Variants in EPHA6 observed in about 807,000 individuals in gnomAD.
EPHA6 encodes the protein ephrin type-A receptor 6.
In EPHA6, 50 loss-of-function variants were observed where a neutral mutation model predicts 112.0. The observed-to-expected ratio is 0.45, with a 90% CI of 0.36 to 0.56. EPHA6 has a LOEUF of 0.56. EPHA6 is among the 20% of genes least tolerant of loss of function. The pLI is 0.00. For missense variants in EPHA6, 1,280 were observed against 1,417.4 expected (o/e 0.90, Z 1.56); for synonymous variants, 529 against 490.7 (o/e 1.08, Z -1.03).
At chr3:96,970,468 T>G (rs1576203416) in intron 2 of EPHA6, among the ~76,000 whole-genome samples, 1 of 152,176 alleles carries the variant, frequency 6.6e-6, no homozygotes, top group African/African-American at 2.4e-5. Context: ...TATGGCTAGG[T>G]TAGGAGATTG....
At chr3:96,976,610 T>C (rs566044586) in intron 2 of EPHA6, among the ~76,000 whole-genome samples, 3 of 152,208 alleles carry the variant, frequency 2.0e-5, no homozygotes, top group Non-Finnish European at 2.9e-5. Context: ...ACAGTCCAAA[T>C]TGGATTTTAA....
At chr3:97,138,559 G>A (rs2108346139) in intron 3 of EPHA6, among the ~76,000 whole-genome samples, 1 of 152,284 alleles carries the variant, frequency 6.6e-6, no homozygotes, top group African/African-American at 2.4e-5. Flanking sequence ...GGTGGCCTAG[G>A]AGTAATTCAC....
chr3:97,060,989 C>A (rs1275941587), intron 3 of EPHA6, among the ~76,000 whole-genome samples: 3 of 146,176 alleles, frequency 2.1e-5, no homozygotes, highest in African/African-American at 5.1e-5. Context: ...GTTAATAAAC[C>A]CAAGGATAAA....
Position 97,076,258 on chromosome 3 carries a change from T to C in EPHA6, c.1114+88265T>C, listed in dbSNP as rs762687728. Among the ~76,000 whole-genome samples, 7 of 152,328 alleles carry C rather than the reference T, an allele frequency of 4.6e-5. No homozygotes were observed. In the South Asian group the frequency reaches 1.0e-3, roughly 23 times the overall value. ...AGTTATTAAAGAAAATTAAAAGTGC[T>C]ACTCCATTAAACACACAAATGATAA... On this transcript the variant is annotated intron_variant, in intron 3 of 17. Transcript: ENST00000389672.
chr3:96,881,454 T>A (rs1323052015), intron 2 of EPHA6, among the ~76,000 whole-genome samples: 2 of 152,102 alleles, frequency 1.3e-5, no homozygotes, highest in African/African-American at 4.8e-5. Flanking sequence ...ACTTATTCAC[T>A]ACCATGAGAA....
chr3:96,980,205 A>T (rs1317495571), intron 2 of EPHA6, among the ~76,000 whole-genome samples: 1 of 152,138 alleles, frequency 6.6e-6, no homozygotes, highest in Non-Finnish European at 1.5e-5. Context: ...TAAGTCTTTA[A>T]TCCATCTTGA....
At chr3:96,941,287 T>C (rs1016324984) in intron 2 of EPHA6, among the ~76,000 whole-genome samples, 1 of 152,184 alleles carries the variant, frequency 6.6e-6, no homozygotes, top group African/African-American at 2.4e-5. Flanking sequence ...TCCTGGAGGC[T>C]TTGTTCGTTT....
chr3:96,932,307 C>T (rs143639700), intron 2 of EPHA6, among the ~76,000 whole-genome samples: 1 of 152,210 alleles, frequency 6.6e-6, no homozygotes, highest in African/African-American at 2.4e-5. Context: ...CCATCTTGGC[C>T]CCTCCATGCA....
chr3:96,942,188 G>A (rs572692636), intron 2 of EPHA6, among the ~76,000 whole-genome samples: 1 of 152,184 alleles, frequency 6.6e-6, no homozygotes, highest in Admixed American at 6.5e-5. Flanking sequence ...CTGTCTTTTT[G>A]TTTGTCTGTG....
At chr3:97,549,875 T>A (rs2093006511) in intron 11 of EPHA6, among the ~76,000 whole-genome samples, 1 of 152,044 alleles carries the variant, frequency 6.6e-6, no homozygotes, top group South Asian at 2.1e-4. Context: ...CCCATCTATG[T>A]TGAATTTCCT....
intron 5 of EPHA6, among the ~76,000 whole-genome samples, chr3:97,392,844 G>T (rs1472289998): frequency 2.0e-5 from 3 of 150,318 alleles, no homozygotes; most frequent in African/African-American, 7.3e-5. Context: ...TTCTGTACTT[G>T]GAACATGTTG....
Position 97,449,811 on chromosome 3 carries a change from T to C in EPHA6, c.1894+1081T>C, listed in dbSNP as rs1352703544. Among the ~76,000 whole-genome samples the C allele has an allele frequency of 6.6e-5, 10 of 152,258 alleles. No homozygotes were observed. In the East Asian group the frequency reaches 1.9e-3, roughly 29 times the overall value. Reference sequence around the variant, plus strand: ...CATTTGTATTATTATGAAGTGTTTTTTGTAAGATCATAAAATAGGTCATAG... The same window carrying C: ...CATTTGTATTATTATGAAGTGTTTTCTGTAAGATCATAAAATAGGTCATAG... On this transcript the variant is annotated intron_variant, in intron 7 of 17. Transcript: ENST00000389672.
chr3:97,293,623 C>T (rs1460464264), intron 5 of EPHA6, among the ~76,000 whole-genome samples: 1 of 152,192 alleles, frequency 6.6e-6, no homozygotes, highest in Non-Finnish European at 1.5e-5. Flanking sequence ...GGAAGCCTGT[C>T]CTGATGGATC....
intron 11 of EPHA6, among the ~76,000 whole-genome samples, chr3:97,591,056 G>T (rs1442301598): frequency 6.6e-6 from 1 of 152,110 alleles, no homozygotes; most frequent in Non-Finnish European, 1.5e-5. Flanking sequence ...TTCTTGCCCT[G>T]TCTCTTAATG....
intron 3 of EPHA6, among the ~76,000 whole-genome samples, chr3:97,122,772 A>G (rs2048076745): frequency 6.6e-6 from 1 of 152,044 alleles, no homozygotes; most frequent in Non-Finnish European, 1.5e-5. Context: ...GCCAGTGAAC[A>G]TAGAAAATCC....
chr3:97,715,163 C>T (rs1448750393), intron 14 of EPHA6, among the ~76,000 whole-genome samples: 6 of 152,200 alleles, frequency 3.9e-5, no homozygotes, highest in East Asian at 1.9e-4. Flanking sequence ...TCTGCTCACA[C>T]GGTCTTGGTA....
At chr3:96,881,894 C>T (rs569121451) in intron 2 of EPHA6, among the ~76,000 whole-genome samples, 10 of 152,312 alleles carry the variant, frequency 6.6e-5, no homozygotes, top group African/African-American at 2.2e-4. Flanking sequence ...CTTAAAGCTC[C>T]GAAATCATCT....
intron 3 of EPHA6, among the ~76,000 whole-genome samples, chr3:97,089,004 T>A (rs1218638782): frequency 6.6e-6 from 1 of 152,082 alleles, no homozygotes; most frequent in African/African-American, 2.4e-5. Flanking sequence ...AGAAACTAGC[T>A]TTAGGGCCGG....
At chr3:97,710,518 A>C (rs889184903) in intron 14 of EPHA6, among the ~76,000 whole-genome samples, 1 of 152,210 alleles carries the variant, frequency 6.6e-6, no homozygotes, top group Non-Finnish European at 1.5e-5. Context: ...TGAGCTCTGC[A>C]CTAACACTTC....
Sources: gnomAD v4.1 joint callset for allele counts (sites outside exome capture counted in the v4.1 genomes callset) on GRCh38, gnomAD v4.1.1 for gene constraint, MANE v1.5 for transcripts, NCBI Gene and HGNC (gene_info 2026-07-23, HGNC 2026-07-21) for gene names.